Variants in ATXN7L1 observed in about 807,000 individuals in gnomAD.
ATXN7L1 encodes ataxin 7 like 1.
Under a neutral mutation model 70.8 loss-of-function variants are expected in ATXN7L1, and 15 were observed. The ratio of observed to expected loss-of-function variants is 0.21; its 90% confidence interval spans 0.14 to 0.33. The LOEUF is 0.33. ATXN7L1 is among the 10% of genes least tolerant of loss of function. The pLI, the probability that ATXN7L1 is intolerant of heterozygous loss-of-function variation, is 1.00. For synonymous variants in ATXN7L1, 440 were observed against 445.1 expected (o/e 0.99, Z 0.14); for missense variants, 975 against 1,097.1 (o/e 0.89, Z 1.57).
chr7:105,863,317 C>G (rs534354765), intron 2 of ATXN7L1, among the ~76,000 whole-genome samples: 1 of 152,204 alleles, frequency 6.6e-6, no homozygotes, highest in African/African-American at 2.4e-5. Flanking sequence ...AATGAGAGAG[C>G]GTTTCCCTGA....
At chr7:105,703,300 C>T (rs1220487298) in intron 3 of ATXN7L1, among the ~76,000 whole-genome samples, 5 of 108,210 alleles carry the variant, frequency 4.6e-5, no homozygotes, top group Admixed American at 2.6e-4. Flanking sequence ...AGCGAAACTC[C>T]GTCTCAAAAA....
chr7:105,722,107 T>C (rs1795251760), intron 3 of ATXN7L1, among the ~76,000 whole-genome samples: 1 of 152,232 alleles, frequency 6.6e-6, no homozygotes, highest in Non-Finnish European at 1.5e-5. Flanking sequence ...TACTTCATCA[T>C]ATAACCTGCT....
chr7:105,716,534 A>T (rs1794565912), intron 3 of ATXN7L1, among the ~76,000 whole-genome samples: 1 of 152,080 alleles, frequency 6.6e-6, no homozygotes. Context: ...TCTGTTTTTT[A>T]AAATTACAAA....
chr7:105,808,413 G>A (rs1357911494), intron 2 of ATXN7L1, among the ~76,000 whole-genome samples: 1 of 152,122 alleles, frequency 6.6e-6, no homozygotes, highest in African/African-American at 2.4e-5. Context: ...CCAGAGAGGC[G>A]GAAAAATGAA....
chr7:105,664,209 AGTGTTGCG>A (rs1218502334), intron 4 of ATXN7L1, among the ~76,000 whole-genome samples: 1 of 151,904 alleles, frequency 6.6e-6, no homozygotes, highest in Admixed American at 6.6e-5. Flanking sequence ...CCTGGGACCC[AGTGTTGCG>A]GGTAGGGCCG....
intron 3 of ATXN7L1, among the ~76,000 whole-genome samples, chr7:105,705,558 G>A (rs148222191): frequency 2.6e-5 from 4 of 152,132 alleles, no homozygotes; most frequent in African/African-American, 9.6e-5. Flanking sequence ...AGAAGGATCC[G>A]TCCCCAGGAA....
intron 3 of ATXN7L1, among the ~76,000 whole-genome samples, chr7:105,780,999 C>T (rs4730105): frequency 0.14 from 21,063 of 152,100 alleles, 1,769 homozygotes; most frequent in Admixed American, 0.19. Context: ...CAACTGGGGG[C>T]GATTTTGCAC....
intron 2 of ATXN7L1, among the ~76,000 whole-genome samples, chr7:105,839,337 T>A (rs78134710): frequency 0.024 from 3,599 of 152,130 alleles, 183 homozygotes; most frequent in East Asian, 0.22. Context: ...GCCTAAACAC[T>A]CCAAATCCAA....
chr7:105,741,625 A>T (rs1026081782), intron 3 of ATXN7L1, among the ~76,000 whole-genome samples: 1 of 152,144 alleles, frequency 6.6e-6, no homozygotes, highest in Non-Finnish European at 1.5e-5. Flanking sequence ...ACATGGGTGG[A>T]GGAATTGTGA....
chr7:105,613,156 G>T (rs1793315199), intron 10 of ATXN7L1, among the ~76,000 whole-genome samples: 1 of 152,200 alleles, frequency 6.6e-6, no homozygotes, highest in African/African-American at 2.4e-5. Context: ...GATGAGAACA[G>T]AGCTCAAGGG....
intron 3 of ATXN7L1, among the ~76,000 whole-genome samples, chr7:105,759,482 G>GTA (rs1800266098): frequency 8.0e-6 from 1 of 124,542 alleles, no homozygotes; most frequent in Non-Finnish European, 1.6e-5. Context: ...GTGTGTGTGT[G>GTA]TGTGTGTGTA....
intron 3 of ATXN7L1, among the ~76,000 whole-genome samples, chr7:105,756,313 T>C (rs1456430901): frequency 6.6e-6 from 1 of 152,176 alleles, no homozygotes; most frequent in Non-Finnish European, 1.5e-5. Context: ...ATAATCACTT[T>C]CTCATGAGCA....
rs148406362 is a variant in ATXN7L1 at position 105,840,059 on chromosome 7, G to T, written c.250+35753C>A. Among the ~76,000 whole-genome samples, 11 of 152,318 alleles carry T rather than the reference G, an allele frequency of 7.2e-5. No homozygotes were observed. The East Asian group carries it at 2.1e-3, about 30-fold the overall frequency. Reference sequence around the variant, plus strand: ...AGCAGTCAGGATCAGAGGAGTCAGAGGAGAGGGTGAGTGGTCTGTGGAGAG... The same window carrying T: ...AGCAGTCAGGATCAGAGGAGTCAGATGAGAGGGTGAGTGGTCTGTGGAGAG... On this transcript the variant is annotated intron_variant, in intron 2 of 11. Transcript: ENST00000419735.
chr7:105,829,660 A>G (rs1256418745), intron 2 of ATXN7L1, among the ~76,000 whole-genome samples: 1 of 152,224 alleles, frequency 6.6e-6, no homozygotes, highest in Non-Finnish European at 1.5e-5. Context: ...TCTTCAACGT[A>G]ACCAAAATCA....
intron 3 of ATXN7L1, among the ~76,000 whole-genome samples, chr7:105,709,000 T>C (rs1256348494): frequency 6.6e-6 from 1 of 152,212 alleles, no homozygotes; most frequent in Non-Finnish European, 1.5e-5. Context: ...AGATCCTTAT[T>C]CTGTAGGTCA....
chr7:105,681,131 A>G (rs1584705068), intron 3 of ATXN7L1, among the ~76,000 whole-genome samples: 1 of 152,226 alleles, frequency 6.6e-6, no homozygotes, highest in South Asian at 2.1e-4. Context: ...AATCTAATTT[A>G]AAAATGGGCA....
chr7:105,777,415 C>T (rs1313324234), intron 3 of ATXN7L1, among the ~76,000 whole-genome samples: 1 of 152,222 alleles, frequency 6.6e-6, no homozygotes, highest in African/African-American at 2.4e-5. Flanking sequence ...GCGACCTCTT[C>T]TCTTTAGTGT....
At chr7:105,793,666 A>G (rs1805571953) in intron 2 of ATXN7L1, among the ~76,000 whole-genome samples, 2 of 152,164 alleles carry the variant, frequency 1.3e-5, no homozygotes, top group Non-Finnish European at 2.9e-5. Context: ...CTTTGTCCAA[A>G]CACAATGTAC....
intron 8 of ATXN7L1, 104 bp downstream of exon 8, chr7:105,623,971 G>A (rs1256308071): frequency 1.7e-5 from 18 of 1,077,334 alleles, no homozygotes; most frequent in South Asian, 1.6e-4. Context: ...AAAACACTGC[G>A]CAGGCAGCCT....
Sources: allele counts gnomAD v4.1 joint callset (sites outside exome capture counted in the v4.1 genomes callset), GRCh38; gene constraint gnomAD v4.1.1; transcripts MANE v1.5; gene names NCBI Gene and HGNC (gene_info 2026-07-23, HGNC 2026-07-21).